Variants in RSF1 observed in about 807,000 individuals in gnomAD.
The protein encoded by RSF1 is remodeling and spacing factor 1, also known as HBV pX-associated protein 8.
In RSF1, 13 loss-of-function variants were observed where a neutral mutation model predicts 145.2. The observed-to-expected ratio is 0.09, with a 90% confidence interval of 0.06 to 0.14. The LOEUF (loss-of-function observed/expected upper bound fraction) is 0.14. RSF1 is among the 10% of genes least tolerant of loss of function. The probability of loss-of-function intolerance (pLI) is 1.00; values close to 1 mark genes in which losing one functional copy is unlikely to be tolerated. For missense variants in RSF1, 1,517 were observed against 1,718.2 expected (o/e 0.88, Z 2.07); for synonymous variants, 577 against 592.6 (o/e 0.97, Z 0.38).
intron 1 of RSF1, among the ~76,000 whole-genome samples, chr11:77,774,342 C>A (rs567085471): frequency 6.6e-6 from 1 of 152,150 alleles, no homozygotes; most frequent in Non-Finnish European, 1.5e-5. Context: ...GTAGCTCACG[C>A]CTGTAATCCC....
chr11:77,814,940 C>T (rs2135991573), intron 1 of RSF1, among the ~76,000 whole-genome samples: 1 of 152,218 alleles, frequency 6.6e-6, no homozygotes, highest in Non-Finnish European at 1.5e-5. Flanking sequence ...CTGGTGCAAA[C>T]CTCATACAGA....
At position 77,811,442 on chromosome 11, in the gene RSF1, T is replaced by C. The variant is rs186312581; in HGVS notation, c.187+9086A>G. Among the ~76,000 whole-genome samples, 109 of 152,338 alleles carry C rather than the reference T, an allele frequency of 7.2e-4. 2 individuals are homozygous for C. Among genetic ancestry groups the C allele is most frequent in the African/African-American group, 2.5e-3 (106 of 41,588 alleles). ...TAACTGCAAAAAGTGTTATGAGTAC[T>C]GTGGCATAAAATCTACAAAGTGTAC... On this transcript the variant is annotated intron_variant, in intron 1 of 15. Coordinates refer to ENST00000308488, the MANE Select transcript of RSF1 (RefSeq NM_016578.4).
chr11:77,678,193 CTTT>C (rs5792773), intron 11 of RSF1, 40 bp from the exon 12 acceptor site: 63,431 of 605,868 alleles, frequency 0.1, 75 homozygotes, highest in East Asian at 0.14. Context: ...CCTGTCCTGG[CTTT>C]TTTTTTTTTT....
chr11:77,816,364 C>T (rs1395126633), intron 1 of RSF1, among the ~76,000 whole-genome samples: 1 of 152,152 alleles, frequency 6.6e-6, no homozygotes, highest in African/African-American at 2.4e-5. Flanking sequence ...ACACACAGAT[C>T]AGTTACAGTA....
chr11:77,732,397 T>C lies in RSF1; in HGVS notation c.579-6698A>G, dbSNP rs1781057784. Among the ~76,000 whole-genome samples the C allele has an allele frequency of 2.0e-5, 3 of 152,154 alleles. No individual in the cohort carries two copies. The South Asian group carries it at 6.2e-4, about 32-fold the overall frequency. On this transcript the variant is annotated intron_variant, in intron 4 of 15. Transcript: ENST00000308488. ...AGATGAGATGTTGGACTGTGGACTT[T>C]TGAGTTAATGCTGAAATGAGTCAAT...
chr11:77,697,757 T>G (rs1328691137), intron 7 of RSF1, among the ~76,000 whole-genome samples: 1 of 151,802 alleles, frequency 6.6e-6, no homozygotes, highest in Non-Finnish European at 1.5e-5. Context: ...AGGGTACATG[T>G]GATGTTTTAA....
chr11:77,863,185 T>C, the RSF1 span, among the ~76,000 whole-genome samples: 2 of 152,204 alleles, frequency 1.3e-5, no homozygotes, highest in South Asian at 4.1e-4. Flanking sequence ...CAGTGACTAG[T>C]GTTCAGCTTG....
At chr11:77,685,994 G>T (rs1959993938) in intron 9 of RSF1, among the ~76,000 whole-genome samples, 1 of 152,158 alleles carries the variant, frequency 6.6e-6, no homozygotes, top group Non-Finnish European at 1.5e-5. Flanking sequence ...CAGACGTATA[G>T]CTCTGTGCTC....
At chr11:77,857,657 G>C in the RSF1 span, among the ~76,000 whole-genome samples, 1 of 149,888 alleles carries the variant, frequency 6.7e-6, no homozygotes. Flanking sequence ...GTATACATGT[G>C]CCAGGATGGT....
At chr11:77,813,275 AT>A (rs907010466) in intron 1 of RSF1, 512 of 677,248 alleles carry the variant, frequency 7.6e-4, no homozygotes, top group Admixed American at 1.1e-3. Flanking sequence ...GCCATTTATA[AT>A]TTTTTTTTAA....
the RSF1 span, among the ~76,000 whole-genome samples, chr11:77,845,387 A>G: frequency 2.6e-5 from 4 of 150,966 alleles, no homozygotes; most frequent in African/African-American, 9.7e-5. Context: ...TGACATTTTT[A>G]TTTCCATCAT....
chr11:77,767,618 T>C (rs1948239001), intron 1 of RSF1, among the ~76,000 whole-genome samples: 1 of 152,072 alleles, frequency 6.6e-6, no homozygotes, highest in East Asian at 1.9e-4. Flanking sequence ...TATTAAAGAG[T>C]TATTTATTGT....
chr11:77,777,704 G>A (rs1948356593), intron 1 of RSF1, among the ~76,000 whole-genome samples: 1 of 152,106 alleles, frequency 6.6e-6, no homozygotes, highest in African/African-American at 2.4e-5. Flanking sequence ...ACTGAGTTGT[G>A]CTGAGTGAGG....
In RSF1 at chr11:77,661,481, C is replaced by T. The variant is rs1473258749; in HGVS notation, c.*5436G>A. 1 of 151,584 alleles carries T rather than the reference C, an allele frequency of 6.6e-6. No individual in the cohort carries two copies. Among genetic ancestry groups the T allele is most frequent in the Non-Finnish European group, 1.5e-5 (1 of 67,904 alleles). 9.4% of individuals were successfully genotyped at this position (151,584 alleles called of 1,614,324 possible). On this transcript the variant is annotated 3_prime_UTR_variant, in exon 16 of 16. Transcript: ENST00000308488. Reference sequence around the variant, plus strand: ...TGTGTGTGCAATTTTCATGCAGTGACCTTAAAGCTTTGGAGACAGGGCTTG... The same window carrying T: ...TGTGTGTGCAATTTTCATGCAGTGATCTTAAAGCTTTGGAGACAGGGCTTG...
chr11:77,674,436 T>C (rs1366030569), intron 14 of RSF1, among the ~76,000 whole-genome samples: 4 of 152,214 alleles, frequency 2.6e-5, no homozygotes, highest in Non-Finnish European at 4.4e-5. Flanking sequence ...AGAGTTAACT[T>C]GTATTCTTCT....
chr11:77,715,206 T>G (rs116720857), intron 5 of RSF1, among the ~76,000 whole-genome samples: 1 of 151,604 alleles, frequency 6.6e-6, no homozygotes, highest in Non-Finnish European at 1.5e-5. Flanking sequence ...AGCAGCACTA[T>G]AGTCTGTATC....
At chr11:77,848,105 A>G in the RSF1 span, among the ~76,000 whole-genome samples, 1 of 152,222 alleles carries the variant, frequency 6.6e-6, no homozygotes, top group Non-Finnish European at 1.5e-5. Flanking sequence ...CTCACAGACA[A>G]ACCCAGAAAT....
chr11:77,697,091 A>G (rs965133006), intron 7 of RSF1, among the ~76,000 whole-genome samples: 4 of 152,180 alleles, frequency 2.6e-5, no homozygotes, highest in Non-Finnish European at 5.9e-5. Context: ...CTTACAATAA[A>G]GAAATCAAAA....
chr11:77,853,986 C>T, the RSF1 span, among the ~76,000 whole-genome samples: 1 of 111,422 alleles, frequency 9.0e-6, no homozygotes, highest in African/African-American at 3.3e-5. Context: ...CAACAGTCCT[C>T]CAAATTCTTT....
Sources: gnomAD v4.1 joint callset for allele counts (sites outside exome capture counted in the v4.1 genomes callset) on GRCh38, gnomAD v4.1.1 for gene constraint, MANE v1.5 for transcripts, NCBI Gene and HGNC (gene_info 2026-07-23, HGNC 2026-07-21) for gene names.